The following MDGA2 variants were observed in gnomAD, a reference collection of about 807,000 sequenced individuals.
MDGA2 encodes MAM domain-containing glycosylphosphatidylinositol anchor protein 2.
In MDGA2, 40 loss-of-function variants were observed where a neutral mutation model predicts 117.8. The ratio of observed to expected loss-of-function variants is 0.34; its 90% confidence interval spans 0.26 to 0.44. The LOEUF (loss-of-function observed/expected upper bound fraction) is 0.44, where lower values mean the gene tolerates loss of function less well. MDGA2 is among the 20% of genes least tolerant of loss of function. The probability of loss-of-function intolerance (pLI) is 1.00; values close to 1 mark genes in which losing one functional copy is unlikely to be tolerated. For missense variants in MDGA2, 1,123 were observed against 1,250.6 expected (o/e 0.90, Z 1.54); for synonymous variants, 452 against 439.0 (o/e 1.03, Z -0.37).
chr14:47,342,757 G>A (rs1187837169), intron 1 of MDGA2, among the ~76,000 whole-genome samples: 1 of 152,138 alleles, frequency 6.6e-6, no homozygotes, highest in Admixed American at 6.6e-5. Flanking sequence ...ATTCTTAGAG[G>A]AGATAAATTG....
At chr14:47,436,192 A>G (rs1892894399) in intron 1 of MDGA2, among the ~76,000 whole-genome samples, 1 of 152,130 alleles carries the variant, frequency 6.6e-6, no homozygotes, top group South Asian at 2.1e-4. Context: ...TCAATTTGAG[A>G]AGTTGTCTTT....
intron 1 of MDGA2, 61 bp downstream of exon 1, chr14:47,674,456 G>T: frequency 7.0e-7 from 1 of 1,432,892 alleles, no homozygotes; most frequent in Non-Finnish European, 9.5e-7. Flanking sequence ...GTGCATTTTC[G>T]CTCACCAGCC....
At chr14:47,149,898 A>G (rs1883094537) in intron 3 of MDGA2, among the ~76,000 whole-genome samples, 1 of 152,150 alleles carries the variant, frequency 6.6e-6, no homozygotes, top group Non-Finnish European at 1.5e-5. Context: ...CTCAGCATCT[A>G]GCTCCATACA....
chr14:46,880,357 C>G (rs901821627), intron 11 of MDGA2, among the ~76,000 whole-genome samples: 12 of 151,810 alleles, frequency 7.9e-5, no homozygotes, highest in Admixed American at 6.6e-5. Context: ...TAATATTCTA[C>G]TGAAGCAATA....
intron 1 of MDGA2, among the ~76,000 whole-genome samples, chr14:47,307,181 T>G (rs1466275154): frequency 6.6e-6 from 1 of 152,180 alleles, no homozygotes; most frequent in Non-Finnish European, 1.5e-5. Context: ...TATGGTGGCT[T>G]CCATTCTTTT....
chr14:47,192,907 C>T (rs1275548305), intron 3 of MDGA2, among the ~76,000 whole-genome samples: 1 of 152,120 alleles, frequency 6.6e-6, no homozygotes, highest in African/African-American at 2.4e-5. Context: ...AAAACTCCTT[C>T]CCCAAAACTC....
At chr14:47,201,979 AC>A (rs1399148076) in intron 3 of MDGA2, among the ~76,000 whole-genome samples, 1 of 152,208 alleles carries the variant, frequency 6.6e-6, no homozygotes, top group African/African-American at 2.4e-5. Context: ...TTAGTAGAGT[AC>A]CAGTAGTATT....
intron 1 of MDGA2, among the ~76,000 whole-genome samples, chr14:47,428,504 GCTA>G (rs1892734903): frequency 2.0e-5 from 3 of 152,024 alleles, no homozygotes. Context: ...TTTGGAATGT[GCTA>G]CTGTTTCACA....
chr14:47,324,017 G>C (rs111457415), intron 1 of MDGA2, among the ~76,000 whole-genome samples: 2 of 151,856 alleles, frequency 1.3e-5, no homozygotes, highest in African/African-American at 4.8e-5. Flanking sequence ...AGGCCGAGGC[G>C]TGAGAATCAT....
chr14:47,462,302 G>A (rs1019687070), intron 1 of MDGA2, among the ~76,000 whole-genome samples: 27 of 148,566 alleles, frequency 1.8e-4, no homozygotes, highest in African/African-American at 5.7e-4. Context: ...TGGGAACCTG[G>A]GAAGCGGAGC....
Position 47,411,268 on chromosome 14 carries a change from C to A in MDGA2, c.281-109718G>T, listed in dbSNP as rs1259395100. Reference sequence around the variant, plus strand: ...GAAGGGGTTAGTGGTTAGACAACAACAACAAAAAAACTCCCAAGCTTTCAG... The same window carrying A: ...GAAGGGGTTAGTGGTTAGACAACAAAAACAAAAAAACTCCCAAGCTTTCAG... On this transcript the variant is annotated intron_variant, in intron 1 of 16. Coordinates refer to ENST00000399232, the MANE Select transcript of MDGA2 (RefSeq NM_001113498.3). Among the ~76,000 whole-genome samples the A allele has an allele frequency of 2.0e-5, 3 of 151,202 alleles. No homozygotes were observed. The East Asian group carries it at 5.8e-4, about 29-fold the overall frequency.
At chr14:47,600,695 C>T (rs181444773) in intron 1 of MDGA2, among the ~76,000 whole-genome samples, 20 of 150,106 alleles carry the variant, frequency 1.3e-4, no homozygotes, top group Admixed American at 4.6e-4. Flanking sequence ...GTAAACTACA[C>T]GAGTTGTGTC....
At chr14:47,174,114 T>C (rs1884319227) in intron 3 of MDGA2, among the ~76,000 whole-genome samples, 1 of 152,156 alleles carries the variant, frequency 6.6e-6, no homozygotes, top group South Asian at 2.1e-4. Flanking sequence ...TAAATATATA[T>C]GCACCCAATA....
At chr14:47,584,495 T>C (rs2138846451) in intron 1 of MDGA2, among the ~76,000 whole-genome samples, 1 of 151,934 alleles carries the variant, frequency 6.6e-6, no homozygotes, top group South Asian at 2.1e-4. Flanking sequence ...GTTCTGTCGT[T>C]GTAGTACAGA....
chr14:47,363,127 C>T (rs2138374797), intron 1 of MDGA2, among the ~76,000 whole-genome samples: 1 of 151,788 alleles, frequency 6.6e-6, no homozygotes, highest in South Asian at 2.1e-4. Context: ...GTGAGGATGT[C>T]TTCCTTCACT....
chr14:47,574,306 G>C (rs76903622), intron 1 of MDGA2, among the ~76,000 whole-genome samples: 14,764 of 152,186 alleles, frequency 0.097, 805 homozygotes, highest in Middle Eastern at 0.15. Flanking sequence ...TGCTTGCCAA[G>C]GTCCCCATGC....
chr14:47,616,939 C>T (rs906821193), intron 1 of MDGA2, among the ~76,000 whole-genome samples: 1 of 152,118 alleles, frequency 6.6e-6, no homozygotes, highest in African/African-American at 2.4e-5. Context: ...AGCCTCATAT[C>T]AAGTGCTCAA....
chr14:47,299,781 T>C (rs1317679853), intron 2 of MDGA2, among the ~76,000 whole-genome samples: 1 of 152,160 alleles, frequency 6.6e-6, no homozygotes, highest in African/African-American at 2.4e-5. Flanking sequence ...CTTTTTTTTC[T>C]ATCAAGCGTA....
chr14:47,231,363 G>C (rs1453548115), intron 2 of MDGA2, among the ~76,000 whole-genome samples: 1 of 152,028 alleles, frequency 6.6e-6, no homozygotes, highest in African/African-American at 2.4e-5. Context: ...GATTTTCTCA[G>C]ATCCCAAAGT....
Sources: allele counts gnomAD v4.1 joint callset (sites outside exome capture counted in the v4.1 genomes callset), GRCh38; gene constraint gnomAD v4.1.1; transcripts MANE v1.5; gene names NCBI Gene and HGNC (gene_info 2026-07-23, HGNC 2026-07-21).